SUPT3H: variants seen among roughly 807,000 people sequenced by gnomAD.
SUPT3H encodes SPT3 homolog, SAGA and STAGA complex component.
Under a neutral mutation model 44.3 loss-of-function variants are expected in SUPT3H, and 44 were observed. That is an observed-to-expected ratio of 0.99 (90% CI 0.78 to 1.28). The LOEUF is 1.28. Ranked by LOEUF, SUPT3H falls within the 50% of genes most tolerant of loss-of-function variation. SUPT3H has a pLI of 0.00. For missense variants in SUPT3H, 380 were observed against 387.1 expected (o/e 0.98, Z 0.15); for synonymous variants, 124 against 125.6 (o/e 0.99, Z 0.09).
intron 2 of SUPT3H, among the ~76,000 whole-genome samples, chr6:45,351,593 C>G (rs1792066055): frequency 6.6e-6 from 1 of 152,004 alleles, no homozygotes; most frequent in South Asian, 2.1e-4. Flanking sequence ...ATTTTCTGTT[C>G]CTCCAGCTCT....
intron 2 of SUPT3H, among the ~76,000 whole-genome samples, chr6:45,238,260 T>C (rs759988112): frequency 3.7e-4 from 57 of 152,336 alleles, no homozygotes; most frequent in Admixed American, 7.2e-4. Flanking sequence ...GGTTTAATTA[T>C]AGCTCCTGAC....
intron 2 of SUPT3H, among the ~76,000 whole-genome samples, chr6:45,355,137 G>GC (rs1489172659): frequency 6.9e-6 from 1 of 144,674 alleles, no homozygotes; most frequent in East Asian, 2.0e-4. Context: ...AAAAGACCTG[G>GC]CTTTTTTTTT....
At chr6:45,111,982 A>G (rs1800138042) in intron 2 of SUPT3H, among the ~76,000 whole-genome samples, 1 of 152,244 alleles carries the variant, frequency 6.6e-6, no homozygotes, top group African/African-American at 2.4e-5. Flanking sequence ...CCATGAAAAT[A>G]TCCTGGAAGT....
chr6:44,866,343 G>A (rs1775504566), intron 10 of SUPT3H, among the ~76,000 whole-genome samples: 1 of 151,946 alleles, frequency 6.6e-6, no homozygotes, highest in Non-Finnish European at 1.5e-5. Flanking sequence ...AGCAAACCCG[G>A]CTTAGCAGTG....
chr6:45,139,063 A>G (rs181850099), intron 2 of SUPT3H, among the ~76,000 whole-genome samples: 4 of 152,306 alleles, frequency 2.6e-5, no homozygotes, highest in African/African-American at 4.8e-5. Flanking sequence ...TGCAGTGCCT[A>G]TTAAAAGTCT....
In SUPT3H at chr6:45,344,307, T is replaced by C. The variant is rs76589668; in HGVS notation, c.101+20894A>G. Among the ~76,000 whole-genome samples the C allele has an allele frequency of 2.4e-3, 359 of 152,312 alleles. 18 individuals are homozygous for C. The East Asian group carries it at 0.063, about 27-fold the overall frequency. ...AGTTGGGAACCACTTCATTTATACTTGGCCTAAACTTCCCCTTGTCTGTAT... is the reference window on the plus strand; with the variant it reads ...AGTTGGGAACCACTTCATTTATACTCGGCCTAAACTTCCCCTTGTCTGTAT... On this transcript the variant is annotated intron_variant, in intron 2 of 10. Coordinates refer to ENST00000371459, the MANE Select transcript of SUPT3H (RefSeq NM_003599.4).
intron 2 of SUPT3H, among the ~76,000 whole-genome samples, chr6:45,198,686 A>ATAG (rs1816493482): frequency 6.6e-6 from 1 of 151,248 alleles, no homozygotes; most frequent in Non-Finnish European, 1.5e-5. Context: ...ATCCAGGGTT[A>ATAG]TTTATAACAG....
chr6:44,863,770 C>T (rs550590566), intron 10 of SUPT3H, among the ~76,000 whole-genome samples: 94 of 152,206 alleles, frequency 6.2e-4, no homozygotes, highest in African/African-American at 1.9e-3. Context: ...CACAGTTCCA[C>T]GTGGCTAGGG....
At chr6:44,887,287 C>T in intron 10 of SUPT3H, among the ~76,000 whole-genome samples, 1 of 152,142 alleles carries the variant, frequency 6.6e-6, no homozygotes, top group Non-Finnish European at 1.5e-5. Flanking sequence ...ATCTACAGAA[C>T]TCCCCACTGC....
downstream of SUPT3H, among the ~76,000 whole-genome samples, chr6:44,824,147 A>G (rs1432177813): frequency 6.6e-6 from 1 of 152,200 alleles, no homozygotes; most frequent in Non-Finnish European, 1.5e-5. Flanking sequence ...GTAGCTGTGT[A>G]ACAGACTGTC....
chr6:44,934,073 G>C (rs1267338211), intron 9 of SUPT3H, among the ~76,000 whole-genome samples: 7 of 152,216 alleles, frequency 4.6e-5, no homozygotes, highest in Admixed American at 3.3e-4. Context: ...AACGGGTCTA[G>C]AAGTCATTTG....
chr6:45,185,050 A>T (rs1813950525), intron 2 of SUPT3H, among the ~76,000 whole-genome samples: 1 of 152,188 alleles, frequency 6.6e-6, no homozygotes, highest in South Asian at 2.1e-4. Context: ...ATTTTCCATC[A>T]TCTACCAGAT....
intron 2 of SUPT3H, chr6:45,328,522 C>A: frequency 4.5e-6 from 7 of 1,559,058 alleles, no homozygotes; most frequent in Non-Finnish European, 6.1e-6. Flanking sequence ...TTTGCTCATT[C>A]TCTTTTTGTT....
At chr6:44,858,090 G>A (rs115324795) in intron 10 of SUPT3H, among the ~76,000 whole-genome samples, 2,714 of 152,146 alleles carry the variant, frequency 0.018, 53 homozygotes, top group South Asian at 0.092. Context: ...TCGCCCAAGT[G>A]CACTAAGTCC....
At chr6:45,295,152 C>T (rs1780938332) in intron 2 of SUPT3H, among the ~76,000 whole-genome samples, 1 of 152,026 alleles carries the variant, frequency 6.6e-6, no homozygotes, top group African/African-American at 2.4e-5. Flanking sequence ...AAAACAGGCA[C>T]ATAGACCAAT....
At chr6:44,824,588 C>G (rs1178811441), downstream of SUPT3H, among the ~76,000 whole-genome samples, 1 of 152,074 alleles carries the variant, frequency 6.6e-6, no homozygotes, top group Non-Finnish European at 1.5e-5. Context: ...TGTCCTGAGG[C>G]AGAACAAACT....
intron 2 of SUPT3H, among the ~76,000 whole-genome samples, chr6:45,135,865 C>T (rs1440245286): frequency 1.3e-5 from 2 of 152,214 alleles, no homozygotes; most frequent in Non-Finnish European, 2.9e-5. Context: ...GACAGGCAGA[C>T]AAGCCAGGGA....
intron 10 of SUPT3H, among the ~76,000 whole-genome samples, chr6:44,930,767 C>T (rs936840946): frequency 1.3e-5 from 2 of 152,104 alleles, no homozygotes; most frequent in Non-Finnish European, 2.9e-5. Context: ...GCTAACTGAA[C>T]CTTCCAGGTC....
At chr6:45,366,155 A>C (rs562301855) in intron 1 of SUPT3H, among the ~76,000 whole-genome samples, 158 of 152,344 alleles carry the variant, frequency 1.0e-3, no homozygotes, top group African/African-American at 3.6e-3. Flanking sequence ...AACTTTGCAA[A>C]GCTGTAATTT....
Sources: gnomAD v4.1 joint callset for allele counts (sites outside exome capture counted in the v4.1 genomes callset) on GRCh38, gnomAD v4.1.1 for gene constraint, MANE v1.5 for transcripts, NCBI Gene and HGNC (gene_info 2026-07-23, HGNC 2026-07-21) for gene names.